Variants in ATAD2B observed in about 807,000 individuals in gnomAD.
ATAD2B encodes ATPase family AAA domain containing 2B.
ATAD2B carries 40 observed loss-of-function variants against 167.6 expected under a neutral mutation model. The ratio of observed to expected loss-of-function variants is 0.24; its 90% CI spans 0.19 to 0.31. The LOEUF is 0.31. ATAD2B is among the 10% of genes least tolerant of loss of function. The pLI is 1.00. For missense variants in ATAD2B, 1,242 were observed against 1,757.2 expected (o/e 0.71, Z 5.24); for synonymous variants, 579 against 596.5 (o/e 0.97, Z 0.43).
chr2:23,766,149 G>C (rs1374399888), intron 22 of ATAD2B, among the ~76,000 whole-genome samples: 1 of 152,012 alleles, frequency 6.6e-6, no homozygotes, highest in African/African-American at 2.4e-5. Flanking sequence ...CTAAGCTAAA[G>C]GGCACAAGAT....
chr2:23,779,690 G>C (rs996645659), intron 22 of ATAD2B, among the ~76,000 whole-genome samples: 1 of 150,246 alleles, frequency 6.7e-6, no homozygotes, highest in African/African-American at 2.5e-5. Context: ...TCCAACAATC[G>C]GGTATTAGCT....
At chr2:23,827,170 G>A (rs982046973) in intron 15 of ATAD2B, among the ~76,000 whole-genome samples, 1 of 151,914 alleles carries the variant, frequency 6.6e-6, no homozygotes. Flanking sequence ...GGATTTTTAT[G>A]TCACTGTCCA....
intron 8 of ATAD2B, chr2:23,872,554 G>T: frequency 9.7e-7 from 1 of 1,034,562 alleles, no homozygotes; most frequent in African/African-American, 1.6e-5. Flanking sequence ...GACTCTCACA[G>T]GAGGGTAGCT....
chr2:23,752,293 T>C (rs576524429), intron 27 of ATAD2B, among the ~76,000 whole-genome samples: 3 of 151,958 alleles, frequency 2.0e-5, no homozygotes, highest in Non-Finnish European at 4.4e-5. Flanking sequence ...TTTAGGCCAA[T>C]AAGGATGATG....
chr2:23,915,617 C>CGG (rs1702941091), intron 1 of ATAD2B, among the ~76,000 whole-genome samples: 1 of 91,446 alleles, frequency 1.1e-5, no homozygotes, highest in Admixed American at 1.2e-4. Flanking sequence ...TTTTTTGAGA[C>CGG]AGTCTTGCTC....
intron 19 of ATAD2B, among the ~76,000 whole-genome samples, chr2:23,794,344 G>A (rs1049198815): frequency 2.0e-5 from 3 of 152,166 alleles, no homozygotes; most frequent in Non-Finnish European, 2.9e-5. Context: ...TCTCTTTTGT[G>A]TCTGGCTTAA....
chr2:23,869,602 TC>T, intron 9 of ATAD2B, 60 bp downstream of exon 9: 1 of 1,183,214 alleles, frequency 8.5e-7, no homozygotes, highest in Non-Finnish European at 1.2e-6. Flanking sequence ...AGAAAATCAC[TC>T]AAAAAAAACT....
downstream of ATAD2B, among the ~76,000 whole-genome samples, chr2:23,745,074 T>A (rs1674757609): frequency 6.6e-6 from 1 of 152,136 alleles, no homozygotes; most frequent in East Asian, 1.9e-4. Flanking sequence ...TCACCTGAGG[T>A]CAGGAGTTCA....
At chr2:23,723,198 T>C in the ATAD2B span, among the ~76,000 whole-genome samples, 2 of 152,150 alleles carry the variant, frequency 1.3e-5, no homozygotes, top group Non-Finnish European at 2.9e-5. Flanking sequence ...AGGGCTGACA[T>C]GTGAGAATCA....
the ATAD2B span, among the ~76,000 whole-genome samples, chr2:23,680,856 G>A: frequency 2.0e-5 from 3 of 152,108 alleles, no homozygotes; most frequent in Admixed American, 2.0e-4. The surrounding 1 kb of genome is among the most constrained non-coding windows in gnomAD (Gnocchi z 4.1). Context: ...CCTGGAGCAG[G>A]ATAGTGCAGG....
chr2:23,698,131 C>T, the ATAD2B span, among the ~76,000 whole-genome samples: 1 of 152,230 alleles, frequency 6.6e-6, no homozygotes, highest in Admixed American at 6.5e-5. Flanking sequence ...CCTGTATGGG[C>T]CTTCCCTGGG....
chr2:23,825,154 T>C (rs979816049), intron 15 of ATAD2B, among the ~76,000 whole-genome samples: 6 of 147,874 alleles, frequency 4.1e-5, no homozygotes, highest in African/African-American at 1.3e-4. Flanking sequence ...TCTCACTTTG[T>C]CCAGGCTGGT....
rs925081340 is a variant in ATAD2B at position 23,751,820 on chromosome 2, T to C, written c.*226A>G. 4 of 516,084 alleles carry C rather than the reference T, an allele frequency of 7.8e-6. No individual in the cohort carries two copies. Among genetic ancestry groups the C allele is most frequent in the Middle Eastern group, 4.8e-4 (1 of 2,098 alleles). 32.0% of individuals were successfully genotyped at this position (516,084 alleles called of 1,614,324 possible). Reference sequence around the variant, plus strand: ...CAAGCTGTGGGGTTGTATTTTTTATTTGTGGAAAATACAACATGTTTCTGA... The same window carrying C: ...CAAGCTGTGGGGTTGTATTTTTTATCTGTGGAAAATACAACATGTTTCTGA... On this transcript the variant is annotated 3_prime_UTR_variant, in exon 28 of 28. Transcript: ENST00000238789.
At chr2:23,745,255 C>A (rs941767555), downstream of ATAD2B, among the ~76,000 whole-genome samples, 1 of 151,882 alleles carries the variant, frequency 6.6e-6, no homozygotes, top group Non-Finnish European at 1.5e-5. Flanking sequence ...TTACTGCACT[C>A]CAGTCTGGGC....
chr2:23,784,383 CA>C (rs2149396802), intron 21 of ATAD2B, among the ~76,000 whole-genome samples: 1 of 152,096 alleles, frequency 6.6e-6, no homozygotes, highest in African/African-American at 2.4e-5. Flanking sequence ...CTATCCTTCC[CA>C]GAGACTCCTA....
chr2:23,705,089 A>G, the ATAD2B span, among the ~76,000 whole-genome samples: 3 of 152,228 alleles, frequency 2.0e-5, no homozygotes, highest in Middle Eastern at 6.3e-3. Flanking sequence ...CATGTACCCT[A>G]ATGGTGGCAG....
chr2:23,766,842 A>G (rs1677484652), intron 22 of ATAD2B, among the ~76,000 whole-genome samples: 1 of 152,078 alleles, frequency 6.6e-6, no homozygotes, highest in Non-Finnish European at 1.5e-5. Flanking sequence ...CAAGTCAGGA[A>G]GAAGACTCTC....
chr2:23,694,057 G>A, the ATAD2B span, among the ~76,000 whole-genome samples: 5 of 152,182 alleles, frequency 3.3e-5, no homozygotes, highest in Admixed American at 2.0e-4. Context: ...AGTTAGATGG[G>A]GCAGCTAATA....
At chr2:23,720,796 G>A in the ATAD2B span, among the ~76,000 whole-genome samples, 1 of 152,098 alleles carries the variant, frequency 6.6e-6, no homozygotes, top group African/African-American at 2.4e-5. Context: ...GAGCTGCCTG[G>A]AATTCATCCA....
Sources: allele counts gnomAD v4.1 joint callset (sites outside exome capture counted in the v4.1 genomes callset), GRCh38; gene constraint gnomAD v4.1.1; non-coding constraint Gnocchi (gnomAD v3.1); transcripts MANE v1.5; gene names NCBI Gene and HGNC (gene_info 2026-07-23, HGNC 2026-07-21).